The following EFCAB6 variants were observed in gnomAD, a reference collection of about 807,000 sequenced individuals.
EFCAB6 encodes EF-hand calcium-binding domain-containing protein 6.
In EFCAB6, 156 loss-of-function variants were observed where a neutral mutation model predicts 169.8. That is an observed-to-expected ratio of 0.92 (90% CI 0.81 to 1.05). EFCAB6 has a LOEUF of 1.05. Among genes scored for constraint, EFCAB6 ranks in the 50% least tolerant of loss-of-function variants. The probability of loss-of-function intolerance (pLI) is 0.00; values close to 1 mark genes in which losing one functional copy is unlikely to be tolerated. For synonymous variants in EFCAB6, 698 were observed against 676.4 expected (o/e 1.03, Z -0.50); for missense variants, 1,800 against 1,829.1 (o/e 0.98, Z 0.29).
chr22:43,760,323 T>C (rs999007518), intron 5 of EFCAB6, among the ~76,000 whole-genome samples: 5 of 152,354 alleles, frequency 3.3e-5, no homozygotes, highest in Middle Eastern at 3.4e-3. Flanking sequence ...CATTATCTTA[T>C]AGCCTTCACT....
chr22:43,736,711 T>C (rs2060154265), intron 6 of EFCAB6, among the ~76,000 whole-genome samples: 1 of 152,062 alleles, frequency 6.6e-6, no homozygotes, highest in African/African-American at 2.4e-5. Context: ...GGCCTTAAAC[T>C]ACTCAAAGAA....
At position 43,808,339 on chromosome 22, in the gene EFCAB6, G is replaced by A. The variant is rs112004245; in HGVS notation, c.-8+656C>T. ...TGGGTGCTGAAACGAATCTCCCACA[G>A]ATACTGAGGGACCACTGGAATATCT... is the stretch of plus-strand genomic sequence containing the variant. On this transcript the variant is annotated intron_variant, in intron 2 of 31. Transcript: ENST00000262726. 1.0e-2 allele frequency among the ~76,000 whole-genome samples: 1,518 copies of A among 152,304 alleles called. 35 individuals are homozygous for A. The highest frequency in any genetic ancestry group is 0.035 in the African/African-American group (1,455 of 41,568).
At chr22:43,614,450 A>C (rs1193315263) in intron 21 of EFCAB6, among the ~76,000 whole-genome samples, 2 of 152,226 alleles carry the variant, frequency 1.3e-5, no homozygotes. Context: ...CTAGACACAC[A>C]GACCTTATAC....
At chr22:43,754,972 AATT>A (rs563238444) in intron 6 of EFCAB6, among the ~76,000 whole-genome samples, 140 of 152,350 alleles carry the variant, frequency 9.2e-4, no homozygotes, top group Non-Finnish European at 1.8e-3. Context: ...AATGCTAAGA[AATT>A]ATCATATTGA....
intron 28 of EFCAB6, among the ~76,000 whole-genome samples, chr22:43,538,716 T>A (rs2047529870): frequency 6.6e-6 from 1 of 152,160 alleles, no homozygotes; most frequent in Admixed American, 6.5e-5. Context: ...GTCCCTCAGA[T>A]TATGTCACTT....
intron 17 of EFCAB6, among the ~76,000 whole-genome samples, chr22:43,641,387 G>C (rs905075266): frequency 2.0e-5 from 3 of 152,054 alleles, no homozygotes; most frequent in Non-Finnish European, 4.4e-5. Flanking sequence ...AGGCTGAGGC[G>C]GGTGGATTGC....
At chr22:43,632,717 C>G (rs1016499193) in intron 18 of EFCAB6, among the ~76,000 whole-genome samples, 7 of 152,176 alleles carry the variant, frequency 4.6e-5, no homozygotes, top group Non-Finnish European at 8.8e-5. Flanking sequence ...TATCTAGTTT[C>G]TTTTCCTTCA....
At chr22:43,548,565 A>G (rs1429965578) in intron 27 of EFCAB6, among the ~76,000 whole-genome samples, 1 of 150,232 alleles carries the variant, frequency 6.7e-6, no homozygotes, top group African/African-American at 2.4e-5. Flanking sequence ...AAAAAAAAAA[A>G]AAAAAGGTCA....
rs759753806 is a variant in EFCAB6, at chr22:43,671,931, T to C, written c.1640+42A>G. The C allele has an allele frequency of 6.2e-6, 10 of 1,605,966 alleles. No individual in the cohort carries two copies. The East Asian group carries it at 1.1e-4, about 18-fold the overall frequency. ...GTTTAGAATTATGGAACAGGCCTGA[T>C]GAAAAACACGACATGAATTAATTTT... On this transcript the variant is annotated intron_variant, in intron 15 of 31. Coordinates refer to ENST00000262726, the MANE Select transcript of EFCAB6 (RefSeq NM_022785.4).
At chr22:43,589,280 CAAAAAA>C (rs1163346832) in intron 24 of EFCAB6, among the ~76,000 whole-genome samples, 25 of 80,932 alleles carry the variant, frequency 3.1e-4, no homozygotes, top group African/African-American at 9.7e-4. Flanking sequence ...GACTTCATGT[CAAAAAA>C]AAAAAAAAAA....
At chr22:43,678,198 A>G (rs1449182170) in intron 12 of EFCAB6, 35 bp from the exon 13 acceptor site, 2 of 1,330,170 alleles carry the variant, frequency 1.5e-6, no homozygotes, top group Non-Finnish European at 1.0e-6. Context: ...GAATTTTTGA[A>G]AAAAAAAAAA....
At chr22:43,588,379 A>G (rs1313251051) in intron 24 of EFCAB6, among the ~76,000 whole-genome samples, 5 of 152,206 alleles carry the variant, frequency 3.3e-5, no homozygotes, top group African/African-American at 1.2e-4. Flanking sequence ...GAGAAATGAG[A>G]TAGCGCATCC....
intron 24 of EFCAB6, among the ~76,000 whole-genome samples, chr22:43,588,324 C>T (rs2051217544): frequency 6.6e-6 from 1 of 150,882 alleles, no homozygotes; most frequent in Non-Finnish European, 1.5e-5. Context: ...AGAGACTTAT[C>T]TGGTAAAGAA....
chr22:43,695,438 T>C (rs1209840476), intron 10 of EFCAB6, among the ~76,000 whole-genome samples: 2 of 152,008 alleles, frequency 1.3e-5, no homozygotes, highest in Non-Finnish European at 2.9e-5. Flanking sequence ...AATGTATTTA[T>C]AATATAAATC....
chr22:43,686,775 C>T (rs936890351), intron 11 of EFCAB6, among the ~76,000 whole-genome samples: 3 of 152,028 alleles, frequency 2.0e-5, no homozygotes, highest in African/African-American at 4.8e-5. Context: ...TTTCAATGAA[C>T]GTGCCAAGAT....
At chr22:43,576,516 G>A in intron 25 of EFCAB6, 28 bp from the exon 26 acceptor site, 2 of 1,495,080 alleles carry the variant, frequency 1.3e-6, no homozygotes, top group Non-Finnish European at 1.8e-6. Context: ...AAAAAAAGAT[G>A]GCAAATCCTG....
At chr22:43,741,118 G>A (rs1240772956) in intron 6 of EFCAB6, among the ~76,000 whole-genome samples, 1 of 152,166 alleles carries the variant, frequency 6.6e-6, no homozygotes, top group Non-Finnish European at 1.5e-5. Flanking sequence ...ACACAGGGGA[G>A]GAGAGATGAA....
intron 7 of EFCAB6, among the ~76,000 whole-genome samples, chr22:43,732,241 C>T (rs1356625531): frequency 1.3e-5 from 2 of 151,980 alleles, no homozygotes; most frequent in African/African-American, 4.8e-5. Flanking sequence ...TTTCCATAAG[C>T]AGGGAAATGG....
intron 22 of EFCAB6, among the ~76,000 whole-genome samples, chr22:43,601,558 T>C (rs1331925873): frequency 2.0e-5 from 3 of 152,236 alleles, no homozygotes; most frequent in African/African-American, 7.2e-5. Flanking sequence ...TACAGCTCCC[T>C]TTTGCTCTGC....
Sources: allele counts gnomAD v4.1 joint callset (sites outside exome capture counted in the v4.1 genomes callset), GRCh38; gene constraint gnomAD v4.1.1; transcripts MANE v1.5; gene names NCBI Gene and HGNC (gene_info 2026-07-23, HGNC 2026-07-21).